Variants in CTNNA3 observed in about 807,000 individuals in gnomAD.
The protein encoded by CTNNA3 is catenin alpha-3.
In CTNNA3, 76 loss-of-function variants were observed where a neutral mutation model predicts 95.7. That is an observed-to-expected ratio of 0.79 (90% CI 0.66 to 0.96). CTNNA3 has a LOEUF of 0.96. Ranked by LOEUF, CTNNA3 falls within the 40% of genes least tolerant of loss-of-function variation. The probability of loss-of-function intolerance (pLI) is 0.00; values close to 1 mark genes in which losing one functional copy is unlikely to be tolerated. For missense variants in CTNNA3, 1,191 were observed against 1,089.8 expected, an observed-to-expected ratio of 1.09 and a Z score of -1.31; for synonymous variants, 431 against 374.4, an observed-to-expected ratio of 1.15 and a Z score of -1.74.
chr10:66,881,379 C>T (rs1265733786), intron 7 of CTNNA3, among the ~76,000 whole-genome samples: 1 of 152,106 alleles, frequency 6.6e-6, no homozygotes, highest in Non-Finnish European at 1.5e-5. Flanking sequence ...GCTAGCAGAG[C>T]TGTGTCCTCT....
intron 5 of CTNNA3, among the ~76,000 whole-genome samples, chr10:67,373,122 C>T (rs1843545910): frequency 6.6e-6 from 1 of 152,088 alleles, no homozygotes; most frequent in Non-Finnish European, 1.5e-5. Flanking sequence ...TCACACATAA[C>T]AATATTAACC....
At chr10:66,943,291 GTTAA>G (rs1311935143) in intron 7 of CTNNA3, among the ~76,000 whole-genome samples, 1 of 151,832 alleles carries the variant, frequency 6.6e-6, no homozygotes, top group Non-Finnish European at 1.5e-5. Context: ...GGATTCATTA[GTTAA>G]TTAGTTAGTT....
chr10:66,432,427 G>C (rs1051391775), intron 11 of CTNNA3, among the ~76,000 whole-genome samples: 1 of 152,148 alleles, frequency 6.6e-6, no homozygotes, highest in African/African-American at 2.4e-5. Context: ...GGGAAGCCAA[G>C]GCAGGTGGAT....
intron 5 of CTNNA3, among the ~76,000 whole-genome samples, chr10:67,272,796 T>G (rs558914322): frequency 6.6e-6 from 1 of 152,290 alleles, no homozygotes; most frequent in Non-Finnish European, 1.5e-5. Flanking sequence ...ATTTTCTGAT[T>G]GATCTCTCTA....
intron 7 of CTNNA3, among the ~76,000 whole-genome samples, chr10:66,958,308 CAAAAAAAAAAAAAA>C (rs35076056): frequency 1.2e-5 from 1 of 86,946 alleles, no homozygotes; most frequent in African/African-American, 4.1e-5. Flanking sequence ...TGCTTTCTTG[CAAAAAAAAAAAAAA>C]AAAAAAAAAA....
intron 9 of CTNNA3, among the ~76,000 whole-genome samples, chr10:66,713,311 T>C (rs1389790658): frequency 1.3e-5 from 2 of 152,150 alleles, no homozygotes; most frequent in Non-Finnish European, 2.9e-5. Context: ...TCCTAATCAC[T>C]GTGGCTTCAT....
intron 14 of CTNNA3, among the ~76,000 whole-genome samples, chr10:66,084,650 G>A (rs975257040): frequency 7.2e-5 from 11 of 152,078 alleles, no homozygotes; most frequent in African/African-American, 2.7e-4. Context: ...TATACACACT[G>A]AATTTTTCTA....
chr10:67,451,064 G>C (rs1465081007), intron 5 of CTNNA3, among the ~76,000 whole-genome samples: 2 of 151,954 alleles, frequency 1.3e-5, no homozygotes, highest in African/African-American at 4.8e-5. Context: ...CCTCATGAAT[G>C]GTTTAATACC....
intron 12 of CTNNA3, among the ~76,000 whole-genome samples, chr10:66,376,635 C>A (rs2092798558): frequency 1.3e-5 from 2 of 152,054 alleles, no homozygotes; most frequent in African/African-American, 4.8e-5. Context: ...TTAAGGCAAA[C>A]TTTGCAAAGA....
chr10:66,285,204 C>G (rs1213649695), intron 12 of CTNNA3, among the ~76,000 whole-genome samples: 1 of 151,806 alleles, frequency 6.6e-6, no homozygotes, highest in Non-Finnish European at 1.5e-5. Flanking sequence ...TCTGGAATAT[C>G]TTCAAAAAGT....
chr10:66,349,589 TAC>T (rs1198728936), intron 12 of CTNNA3, among the ~76,000 whole-genome samples: 1 of 152,136 alleles, frequency 6.6e-6, no homozygotes, highest in Non-Finnish European at 1.5e-5. Context: ...ATTTCACAAC[TAC>T]GCTAACTTTT....
chr10:65,932,516 C>A (rs904959653), intron 17 of CTNNA3, among the ~76,000 whole-genome samples: 6 of 152,126 alleles, frequency 3.9e-5, no homozygotes, highest in Admixed American at 3.3e-4. Context: ...AACTATGACT[C>A]AGATAATTTC....
chr10:66,660,253 T>G (rs1846217358), intron 9 of CTNNA3, among the ~76,000 whole-genome samples: 1 of 152,164 alleles, frequency 6.6e-6, no homozygotes, highest in Admixed American at 6.5e-5. Context: ...TTTGCTCTAT[T>G]TCTACTTGTG....
chr10:66,627,560 T>G (rs1284960819), intron 9 of CTNNA3, among the ~76,000 whole-genome samples: 2 of 152,154 alleles, frequency 1.3e-5, no homozygotes, highest in East Asian at 1.9e-4. Context: ...AGCCAGAAAC[T>G]TATACCCTAA....
At chr10:67,276,920 T>C (rs1246089530) in intron 5 of CTNNA3, among the ~76,000 whole-genome samples, 1 of 151,952 alleles carries the variant, frequency 6.6e-6, no homozygotes, top group Non-Finnish European at 1.5e-5. Context: ...ATAATATAAC[T>C]AGTGTTTTAT....
intron 10 of CTNNA3, among the ~76,000 whole-genome samples, chr10:66,534,896 G>A (rs552854875): frequency 9.2e-5 from 14 of 151,422 alleles, no homozygotes; most frequent in African/African-American, 3.4e-4. Context: ...GGAAAAAAAA[G>A]CATGTTTTCT....
At chr10:67,391,926 A>G (rs1844507832) in intron 5 of CTNNA3, among the ~76,000 whole-genome samples, 1 of 151,238 alleles carries the variant, frequency 6.6e-6, no homozygotes, top group Admixed American at 6.6e-5. Flanking sequence ...AAAGACTTAA[A>G]CGTTAGACCT....
intron 5 of CTNNA3, among the ~76,000 whole-genome samples, chr10:67,272,532 G>A (rs574365125): frequency 1.1e-3 from 163 of 152,126 alleles, no homozygotes; most frequent in Non-Finnish European, 1.9e-3. Context: ...CAGCCTGAGC[G>A]ATAGGGTAAG....
At chr10:67,368,287 A>G (rs1159905018) in intron 5 of CTNNA3, among the ~76,000 whole-genome samples, 1 of 152,222 alleles carries the variant, frequency 6.6e-6, no homozygotes, top group Non-Finnish European at 1.5e-5. Context: ...TTAAGGAAAT[A>G]GAAGTTAAAA....
Sources: gnomAD v4.1 joint callset for allele counts (sites outside exome capture counted in the v4.1 genomes callset) on GRCh38, gnomAD v4.1.1 for gene constraint, MANE v1.5 for transcripts, NCBI Gene and HGNC (gene_info 2026-07-23, HGNC 2026-07-21) for gene names.